Variants in C16orf96 observed in about 807,000 individuals in gnomAD.
The protein encoded by C16orf96 is uncharacterized protein C16orf96.
In C16orf96, 108 loss-of-function variants were observed where a neutral mutation model predicts 103.6. The observed-to-expected ratio is 1.04, with a 90% CI of 0.89 to 1.22. The LOEUF (loss-of-function observed/expected upper bound fraction) is 1.22, where lower values mean the gene tolerates loss of function less well. C16orf96 is among the 50% of genes most tolerant of loss of function. C16orf96 has a pLI of 0.00. For missense variants in C16orf96, 1,586 were observed against 1,464.2 expected (o/e 1.08, Z -1.36); for synonymous variants, 566 against 593.5 (o/e 0.95, Z 0.67).
rs1247655235 is a variant in C16orf96 at position 4,556,928 on chromosome 16, G to A, written c.420+19G>A. 1.3e-6 allele frequency: 2 copies of A among 1,521,346 alleles called. No homozygotes were observed. Among genetic ancestry groups the A allele is most frequent in the South Asian group, 1.2e-5 (1 of 81,744 alleles). The allele number at this position is 1,521,346 out of a possible 1,614,324, so 94.2% of individuals were successfully genotyped here. On this transcript the variant is annotated intron_variant, in intron 1 of 15. Coordinates refer to ENST00000444310, the MANE Select transcript of C16orf96 (RefSeq NM_001145011.2). The stretch of plus-strand genomic sequence containing the variant: ...GGCCAAGGTACGCCCCCAGCCTCCA[G>A]ACACTTCTTTTCCTCCCTTCACCAC...
chr16:4,549,213 G>A, the C16orf96 span, among the ~76,000 whole-genome samples: 2 of 152,022 alleles, frequency 1.3e-5, no homozygotes, highest in Non-Finnish European at 2.9e-5. Context: ...GGTGGCTCAC[G>A]CCTGTAATCC....
In C16orf96 at chr16:4,600,164, A is replaced by T; in HGVS notation, c.3273A>T (p.Arg1091=). ...GCCCTCACCTGACGATGCCAGCTCG[A>T]CCACCTTCCCTGCCACCTCTGCTGC... is the stretch of plus-strand genomic sequence containing the variant. ...ASGPHLTMPA[R]PPSLPPLLLL... Residue 1091 remains arginine, a synonymous_variant, in exon 16 of 16, where the codon CGA becomes CGT. Transcript: ENST00000444310. The T allele has an allele frequency of 6.4e-7, 1 of 1,551,274 alleles. No individual in the cohort carries two copies. Among genetic ancestry groups the T allele is most frequent in the Non-Finnish European group, 8.7e-7 (1 of 1,146,884 alleles).
At chr16:4,545,407 G>C in the C16orf96 span, among the ~76,000 whole-genome samples, 1 of 152,132 alleles carries the variant, frequency 6.6e-6, no homozygotes, top group East Asian at 1.9e-4. Context: ...GCCCAAGCTG[G>C]TGTCAACTTC....
intron 7 of C16orf96, among the ~76,000 whole-genome samples, chr16:4,583,216 C>CT (rs1896835055): frequency 1.3e-5 from 2 of 149,798 alleles, no homozygotes; most frequent in South Asian, 4.3e-4. Flanking sequence ...CCAGCCTGGG[C>CT]AACAAGAGCA....
upstream of C16orf96, among the ~76,000 whole-genome samples, chr16:4,551,987 C>T (rs2059230794): frequency 6.6e-6 from 1 of 152,032 alleles, no homozygotes; most frequent in African/African-American, 2.4e-5. Context: ...TGTTCACCTC[C>T]CACTTATGAG....
intron 9 of C16orf96, among the ~76,000 whole-genome samples, chr16:4,590,577 TAA>T (rs1231538658): frequency 2.8e-5 from 4 of 144,928 alleles, no homozygotes; most frequent in African/African-American, 7.7e-5. Flanking sequence ...AATAAATAAA[TAA>T]ATAAAATAAA....
intron 1 of C16orf96, among the ~76,000 whole-genome samples, chr16:4,569,206 G>C (rs915611273): frequency 5.3e-5 from 8 of 151,780 alleles, no homozygotes; most frequent in African/African-American, 1.9e-4. Flanking sequence ...CTGAACTTCA[G>C]ATCCACTGGC....
At chr16:4,596,876 C>T (rs566878763) in intron 14 of C16orf96, among the ~76,000 whole-genome samples, 15 of 152,152 alleles carry the variant, frequency 9.9e-5, no homozygotes, top group Non-Finnish European at 1.3e-4. Context: ...CTTCTGGGGC[C>T]GATGGCACTC....
At chr16:4,591,539 CCTCA>C (rs1897058928) in intron 9 of C16orf96, 123 bp from the exon 10 acceptor site, 2 of 719,570 alleles carry the variant, frequency 2.8e-6, no homozygotes, top group Non-Finnish European at 2.4e-6. Flanking sequence ...TCCTGGACTC[CCTCA>C]CTATTTTAGT....
Position 4,575,075 on chromosome 16 carries a change from G to T in C16orf96, c.693+17G>T. On this transcript the variant is annotated intron_variant, in intron 4 of 15. Transcript: ENST00000444310. ...TTCACCTCAGTGAGTGAGGAAGGAA[G>T]GGGAGGTTAGCAGGAAGCTGGGGAG... The T allele has an allele frequency of 6.4e-7, 1 of 1,551,216 alleles. No individual in the cohort carries two copies. The highest frequency in any genetic ancestry group is 8.7e-7 in the Non-Finnish European group (1 of 1,146,980).
At chr16:4,585,840 G>T (rs1896915448) in intron 7 of C16orf96, among the ~76,000 whole-genome samples, 1 of 152,176 alleles carries the variant, frequency 6.6e-6, no homozygotes, top group South Asian at 2.1e-4. Context: ...AAGCAACTCA[G>T]GAGTGGAAAG....
At chr16:4,581,183 T>TATATATATAA (rs541449983) in intron 7 of C16orf96, among the ~76,000 whole-genome samples, 40 of 118,322 alleles carry the variant, frequency 3.4e-4, no homozygotes, top group South Asian at 1.1e-3. Flanking sequence ...TATATATATA[T>TATATATATAA]AATTAGCCAG....
intron 8 of C16orf96, among the ~76,000 whole-genome samples, chr16:4,587,568 AAAAG>A (rs1397376615): frequency 1.3e-5 from 2 of 151,432 alleles, no homozygotes; most frequent in Middle Eastern, 3.5e-3. Context: ...AAAAAGAAAG[AAAAG>A]AAAGGAAAAC....
At chr16:4,542,862 C>T in the C16orf96 span, among the ~76,000 whole-genome samples, 1 of 152,054 alleles carries the variant, frequency 6.6e-6, no homozygotes, top group East Asian at 1.9e-4. Context: ...GCAGTGTGTA[C>T]TTTATATTTA....
rs1897129530 is a variant in C16orf96 at position 4,594,528 on chromosome 16, C to T, written c.3027+18C>T. On this transcript the variant is annotated intron_variant, in intron 13 of 15. Coordinates refer to ENST00000444310, the MANE Select transcript of C16orf96 (RefSeq NM_001145011.2). Reference sequence around the variant, plus strand: ...ATGACAGCGTGAGTCTGGCCGGGGCCTCCTTCTCAGAGGGTGGACGTCAGC... The same window carrying T: ...ATGACAGCGTGAGTCTGGCCGGGGCTTCCTTCTCAGAGGGTGGACGTCAGC... The T allele has an allele frequency of 6.5e-7, 1 of 1,548,604 alleles. No individual in the cohort carries two copies. Among genetic ancestry groups the T allele is most frequent in the African/African-American group, 1.4e-5 (1 of 73,012 alleles).
chr16:4,591,846 C>A, intron 10 of C16orf96, 62 bp downstream of exon 10: 1 of 1,265,736 alleles, frequency 7.9e-7, no homozygotes, highest in Non-Finnish European at 1.1e-6. Context: ...GGGGAACACA[C>A]CCTGGAAGCT....
upstream of C16orf96, among the ~76,000 whole-genome samples, chr16:4,554,217 C>A (rs1175265227): frequency 6.6e-6 from 1 of 152,152 alleles, no homozygotes; most frequent in African/African-American, 2.4e-5. Flanking sequence ...GGGCTGAGAC[C>A]CTGTTTGAGA....
intron 13 of C16orf96, 91 bp downstream of exon 13, chr16:4,594,601 C>G: frequency 6.5e-7 from 1 of 1,535,350 alleles, no homozygotes; most frequent in Admixed American, 2.0e-5. Context: ...GTGGGCAACC[C>G]CAGCAGAGGC....
At chr16:4,558,173 A>G (rs190341055) in intron 1 of C16orf96, among the ~76,000 whole-genome samples, 598 of 152,338 alleles carry the variant, frequency 3.9e-3, no homozygotes, top group Non-Finnish European at 6.3e-3. Flanking sequence ...GAGCTCAGTG[A>G]TTGGCTGAAG....
Sources: gnomAD v4.1 joint callset for allele counts (sites outside exome capture counted in the v4.1 genomes callset) on GRCh38, gnomAD v4.1.1 for gene constraint, MANE v1.5 for transcripts, NCBI Gene and HGNC (gene_info 2026-07-23, HGNC 2026-07-21) for gene names.